The following MPPE1 variants were observed in gnomAD, a reference collection of about 807,000 sequenced individuals.
MPPE1 encodes the protein metallo phosphoesterase.
A neutral mutation model predicts 43.8 loss-of-function variants in MPPE1; 28 were observed. That is an observed-to-expected ratio of 0.64 (90% CI 0.47 to 0.88). MPPE1 has a LOEUF of 0.88. Ranked by LOEUF, MPPE1 falls within the 40% of genes least tolerant of loss-of-function variation. MPPE1 has a pLI of 0.00. For synonymous variants in MPPE1, 159 were observed against 188.5 expected, an observed-to-expected ratio of 0.84 and a Z score of 1.28; for missense variants, 428 against 492.2, an observed-to-expected ratio of 0.87 and a Z score of 1.23.
Position 11,893,566 on chromosome 18 carries a change from T to C in MPPE1, c.292A>G (p.Met98Val), listed in dbSNP as rs761324576. The C allele has an allele frequency of 9.9e-6, 16 of 1,614,106 alleles. 1 individual carries two copies. The South Asian group carries it at 1.5e-4, about 16-fold the overall frequency. The change falls in exon 4 of 11, where the codon ATG (methionine) becomes GTG (valine). Residue 98 changes from methionine (M) to valine (V), a missense_variant. By Grantham distance (21) the Met-to-Val change is conservative (BLOSUM62 1). Coordinates refer to ENST00000588072, the MANE Select transcript of MPPE1 (RefSeq NM_023075.6). ...WLDKLRREWQ[M>V]ERAFQTALWL... ...AGAGCTGTCTGGAACGCTCTCTCCA[T>C]CTGCCATTCCCTTGATGCCAATAGG...
At position 11,897,416 on chromosome 18, in the gene MPPE1, C is replaced by T. The variant is rs1024465054; in HGVS notation, c.-92-60G>A. ...CTAATAATACAGGTATCACGACCTCCCTCTATTAAGAACTAATGAGTTACA... is the reference window on the plus strand; with the variant it reads ...CTAATAATACAGGTATCACGACCTCTCTCTATTAAGAACTAATGAGTTACA... On this transcript the variant is annotated intron_variant, in intron 2 of 10. Transcript: ENST00000588072. The T allele has an allele frequency of 4.5e-6, 3 of 672,802 alleles. No homozygotes were observed. In the African/African-American group the frequency reaches 5.4e-5, roughly 12 times the overall value. The allele number at this position is 672,802 out of a possible 1,614,324, so 41.7% of individuals were successfully genotyped here.
chr18:11,886,534 T>G lies in MPPE1; in HGVS notation c.832A>C (p.Asn278His). 1.2e-6 allele frequency: 2 copies of G among 1,614,184 alleles called. No homozygotes were observed. The highest frequency in any genetic ancestry group is 8.5e-7 in the Non-Finnish European group (1 of 1,180,022). The change falls in exon 9 of 11, where the codon AAC becomes CAC. Residue 278 changes from asparagine (N) to histidine (H), a missense_variant. Around this residue, in one of 3 missense-constraint regions of MPPE1, gnomAD observed 379 missense variants for 402.5 expected, o/e 0.94. Transcript: ENST00000588072. This position sits in a 1 kb window ranked among gnomAD's most constrained non-coding sequence, Gnocchi z 4.1. Reference protein sequence around the residue: ...AEERDIPFKENYDVLSREASQ... With the variant: ...AEERDIPFKEHYDVLSREASQ... ...GCCTCCCGTGAAAGCACGTCATAGT[T>G]CTCCTTAAATGGGATGTCCCTTTCC...
rs1256686183 is a variant in MPPE1 at position 11,882,735 on chromosome 18, A to T, written c.*1710T>A. 6.6e-6 allele frequency: 1 copy of T among 151,266 alleles called. No homozygotes were observed. Among genetic ancestry groups the T allele is most frequent in the Admixed American group, 6.6e-5 (1 of 15,160 alleles). The allele number at this position is 151,266 out of a possible 1,614,324, so 9.4% of individuals were successfully genotyped here. A position where few individuals can be genotyped will look rare whatever the true frequency, so the allele number is the denominator to read the frequency against. Reference sequence around the variant, plus strand: ...ACGTGTCAATGTTTGTGTCTGGCCTAGGAGAATGAGGATGACAGCTTCACT... The same window carrying T: ...ACGTGTCAATGTTTGTGTCTGGCCTTGGAGAATGAGGATGACAGCTTCACT... On this transcript the variant is annotated 3_prime_UTR_variant, in exon 11 of 11. Coordinates refer to ENST00000588072, the MANE Select transcript of MPPE1 (RefSeq NM_023075.6).
At chr18:11,896,303 T>C (rs995825675) in intron 3 of MPPE1, among the ~76,000 whole-genome samples, 2 of 151,816 alleles carry the variant, frequency 1.3e-5, no homozygotes, top group Non-Finnish European at 2.9e-5. Flanking sequence ...AGTTGCACCA[T>C]GTTGGCCAGG....
Position 11,886,861 on chromosome 18 carries a change from C to T in MPPE1, c.678+56G>A. 3.1e-6 allele frequency: 5 copies of T among 1,595,292 alleles called. No individual in the cohort carries two copies. Among genetic ancestry groups the T allele is most frequent in the South Asian group, 1.1e-5 (1 of 90,222 alleles). ...AAGCGCTAGGGGGCTGAGTGAGCAACCGAAGCGGAGCAACACGGGACAGAA... is the reference window on the plus strand; with the variant it reads ...AAGCGCTAGGGGGCTGAGTGAGCAATCGAAGCGGAGCAACACGGGACAGAA... On this transcript the variant is annotated intron_variant, in intron 7 of 10. Transcript: ENST00000588072. This position sits in a 1 kb window ranked among gnomAD's most constrained non-coding sequence, Gnocchi z 4.1.
At chr18:11,902,533 C>G (rs1442813803) in intron 2 of MPPE1, 1 of 152,166 alleles carries the variant, frequency 6.6e-6, no homozygotes. Context: ...TTTCTAACAC[C>G]TTATGTTTCC....
At chr18:11,900,407 G>A (rs926715413) in intron 2 of MPPE1, among the ~76,000 whole-genome samples, 9 of 152,042 alleles carry the variant, frequency 5.9e-5, no homozygotes, top group African/African-American at 1.9e-4. Context: ...GCGGGAGGCT[G>A]AGGCAGAAGA....
At chr18:11,889,562 T>G in intron 4 of MPPE1, 72 bp from the exon 5 acceptor site, 5 of 1,183,302 alleles carry the variant, frequency 4.2e-6, no homozygotes, top group Admixed American at 2.3e-5. Context: ...ACAGGATCCC[T>G]ATTTTGTTTT....
chr18:11,884,341 A>G lies in MPPE1; in HGVS notation c.*104T>C, dbSNP rs970566886. 1.3e-4 allele frequency: 135 copies of G among 1,072,578 alleles called. No homozygotes were observed. Among genetic ancestry groups the G allele is most frequent in the African/African-American group, 9.4e-4 (60 of 63,670 alleles). The allele number at this position is 1,072,578 out of a possible 1,614,324, so 66.4% of individuals were successfully genotyped here. On this transcript the variant is annotated 3_prime_UTR_variant, in exon 11 of 11. Coordinates refer to ENST00000588072, the MANE Select transcript of MPPE1 (RefSeq NM_023075.6). ...GTGATTGAGAATTTCTGTGCTGTGC[A>G]GAGAGACGGCCTGTAATTGGTCTCA...
At position 11,893,236 on chromosome 18, in the gene MPPE1, T is replaced by C. The variant is rs1399948898; in HGVS notation, c.390+232A>G. ...CTGGCTAATCGACATATTTCCTACA[T>C]AGACAAATGTTTACAATTAGCCAAC... On this transcript the variant is annotated intron_variant, in intron 4 of 10. Transcript: ENST00000588072. The C allele has an allele frequency of 2.8e-5, 14 of 497,708 alleles. No individual in the cohort carries two copies. In the East Asian group the frequency reaches 4.2e-4, roughly 15 times the overall value. The allele number at this position is 497,708 out of a possible 1,614,324, so 30.8% of individuals were successfully genotyped here.
rs1172830168 is a variant in MPPE1 at position 11,896,996 on chromosome 18, T to G, written c.269A>C (p.Asp90Ala). The change falls in exon 3 of 11, where the codon GAC becomes GCC. Residue 90 changes from aspartate to alanine, a missense_variant. Asp to Ala is a moderately radical substitution (Grantham distance 126). Around this residue, in one of 3 missense-constraint regions of MPPE1, gnomAD observed 379 missense variants for 402.5 expected, o/e 0.94. Coordinates refer to ENST00000588072, the MANE Select transcript of MPPE1 (RefSeq NM_023075.6). ...LLGEFLGHWL[D>A]KLRREWQMER... ...TTTTACCTCTTACCTTCGTAATTTGTCCAGCCAGTGGCCTAGGAATTCCCC... is the reference window on the plus strand; with the variant it reads ...TTTTACCTCTTACCTTCGTAATTTGGCCAGCCAGTGGCCTAGGAATTCCCC... The G allele has an allele frequency of 1.6e-5, 25 of 1,601,566 alleles. No homozygotes were observed. The highest frequency in any genetic ancestry group is 2.1e-5 in the Non-Finnish European group (25 of 1,174,050).
At chr18:11,891,632 T>A (rs934080627) in intron 4 of MPPE1, among the ~76,000 whole-genome samples, 1 of 152,206 alleles carries the variant, frequency 6.6e-6, no homozygotes, top group East Asian at 1.9e-4. Context: ...TATCTCACAT[T>A]TAATTATAGC....
At chr18:11,892,482 C>T (rs2038113174) in intron 4 of MPPE1, among the ~76,000 whole-genome samples, 1 of 151,980 alleles carries the variant, frequency 6.6e-6, no homozygotes, top group African/African-American at 2.4e-5. Flanking sequence ...CCAGCCTGAC[C>T]AACATGGAGA....
At position 11,904,817 on chromosome 18, in the gene MPPE1, C is replaced by T. The variant is rs926828773; in HGVS notation, c.-93+1386G>A. 5.9e-5 allele frequency among the ~76,000 whole-genome samples: 9 copies of T among 151,868 alleles called. No homozygotes were observed. In the South Asian group the frequency reaches 6.3e-4, roughly 11 times the overall value. On this transcript the variant is annotated intron_variant, in intron 2 of 10. Coordinates refer to ENST00000588072, the MANE Select transcript of MPPE1 (RefSeq NM_023075.6). ...AATTAGCCGGGTGTGGTTGAGTGAG[C>T]GTGTAATCTCAGCTACTTGGGAGGT...
chr18:11,885,565 TTG>T lies in MPPE1; in HGVS notation c.1008+109_1008+110del, dbSNP rs2037089740. On this transcript the variant is annotated intron_variant, in intron 10 of 10. Coordinates refer to ENST00000588072, the MANE Select transcript of MPPE1 (RefSeq NM_023075.6). ...GAGCTACGTGTAGAAGGAGAGAAATTTGTGTGTGGCTTTTGTAAATTTTGACC... is the reference window on the plus strand; with the variant it reads ...GAGCTACGTGTAGAAGGAGAGAAATTTGTGTGGCTTTTGTAAATTTTGACC... 4 of 1,339,154 alleles carry T rather than the reference TTG, an allele frequency of 3.0e-6. No homozygotes were observed. The East Asian group carries it at 9.7e-5, about 33-fold the overall frequency. The allele number at this position is 1,339,154 out of a possible 1,614,324, so 83.0% of individuals were successfully genotyped here. A position where few individuals can be genotyped will look rare whatever the true frequency, so the allele number is the denominator to read the frequency against.
At chr18:11,888,834 T>C (rs1439405066) in intron 5 of MPPE1, 91 bp from the exon 6 acceptor site, 8 of 672,574 alleles carry the variant, frequency 1.2e-5, no homozygotes, top group Non-Finnish European at 1.9e-5. Flanking sequence ...CTTTCAACAC[T>C]TGAGTTTCAG....
Position 11,885,119 on chromosome 18 carries a change from A to G in MPPE1, c.1009-492T>C. The G allele has an allele frequency of 2.7e-6, 3 of 1,098,486 alleles. No homozygotes were observed. The South Asian group carries it at 4.5e-5, about 16-fold the overall frequency. 68.0% of individuals were successfully genotyped at this position (1,098,486 alleles called of 1,614,324 possible). A position where few individuals can be genotyped will look rare whatever the true frequency, so the allele number is the denominator to read the frequency against. The stretch of plus-strand genomic sequence containing the variant: ...CTTTTATGTGGAACAACAGTGGCAA[A>G]TGTTTTCATTTACTTTGAATTTGAA... On this transcript the variant is annotated intron_variant, in intron 10 of 10. Transcript: ENST00000588072.
At chr18:11,903,498 C>T (rs1598603581) in intron 2 of MPPE1, among the ~76,000 whole-genome samples, 1 of 152,260 alleles carries the variant, frequency 6.6e-6, no homozygotes, top group East Asian at 1.9e-4. Flanking sequence ...CTATAAAGTC[C>T]TAGGATTACG....
At chr18:11,907,479 G>T (rs1253403412) in intron 1 of MPPE1, among the ~76,000 whole-genome samples, 1 of 151,996 alleles carries the variant, frequency 6.6e-6, no homozygotes. Context: ...ACCAGCCATG[G>T]TCACTCATAT....
Sources: gnomAD v4.1 joint callset for allele counts (sites outside exome capture counted in the v4.1 genomes callset) on GRCh38, gnomAD v4.1.1 for gene constraint, gnomAD v4.1.1 regional missense constraint, Gnocchi (gnomAD v3.1) non-coding constraint, MANE v1.5 for transcripts, NCBI Gene and HGNC (gene_info 2026-07-23, HGNC 2026-07-21) for gene names.